The following PZP variants were observed in gnomAD, a reference collection of about 807,000 sequenced individuals.
PZP encodes the protein pregnancy zone protein.
A neutral mutation model predicts 179.8 loss-of-function variants in PZP; 150 were observed. The observed-to-expected ratio is 0.83, with a 90% CI of 0.73 to 0.96. The LOEUF (loss-of-function observed/expected upper bound fraction) is 0.96. Ranked by LOEUF, PZP falls within the 40% of genes least tolerant of loss-of-function variation. The pLI, the probability that PZP is intolerant of heterozygous loss-of-function variation, is 0.00. For missense variants in PZP, 1,689 were observed against 1,764.0 expected (o/e 0.96, Z 0.76); for synonymous variants, 624 against 652.3 (o/e 0.96, Z 0.66).
chr12:9,201,921 C>A (rs746468884), intron 4 of PZP, among the ~76,000 whole-genome samples: 2 of 151,718 alleles, frequency 1.3e-5, no homozygotes, highest in African/African-American at 4.8e-5. Flanking sequence ...CTATATGTAT[C>A]GAATATATAA....
intron 21 of PZP, 139 bp downstream of exon 21, chr12:9,163,529 A>G: frequency 1.0e-6 from 1 of 986,120 alleles, no homozygotes; most frequent in South Asian, 2.0e-5. Flanking sequence ...GTCTGCTGCA[A>G]TGCTTTTAGG....
At chr12:9,180,900 A>C (rs1455566522) in intron 15 of PZP, 83 bp downstream of exon 15, 1 of 1,459,086 alleles carries the variant, frequency 6.9e-7, no homozygotes. Context: ...CAACCTACTC[A>C]TCTGACAAAG....
chr12:9,179,224 C>A (rs1281502283), intron 15 of PZP, among the ~76,000 whole-genome samples: 1 of 152,084 alleles, frequency 6.6e-6, no homozygotes, highest in Admixed American at 6.5e-5. Flanking sequence ...TCTTCAAAAA[C>A]CCCATATTAG....
At chr12:9,203,698 A>G (rs905002258) in intron 2 of PZP, 70 bp downstream of exon 2, 1 of 1,556,288 alleles carries the variant, frequency 6.4e-7, no homozygotes, top group Non-Finnish European at 8.8e-7. Context: ...CCAGAGCTCC[A>G]TCACCATGAC....
chr12:9,181,734 C>T (rs185877867), intron 14 of PZP, among the ~76,000 whole-genome samples: 9 of 152,110 alleles, frequency 5.9e-5, no homozygotes, highest in Non-Finnish European at 4.4e-5. Flanking sequence ...ACTCACACAA[C>T]TGAATCAGCA....
Position 9,168,879 on chromosome 12 carries a change from T to C in PZP, c.2097A>G (p.Gly699=), listed in dbSNP as rs34427370. ...AAATTGCTGTTTTACCTCCATAGTA[T>C]CCTTGACCTACTGCTCCTGCAGACA... The part of the protein sequence containing the change: ...PSVSAGAVGQ[G]YYGAGLGVVE... Residue 699 remains glycine (G), a synonymous_variant, in exon 17 of 36, where the codon GGA becomes GGG. Transcript: ENST00000261336. 13,626 of 1,613,118 alleles carry C rather than the reference T, an allele frequency of 8.4e-3. 777 individuals carry two copies. The African/African-American group carries it at 0.13, about 16-fold the overall frequency.
chr12:9,163,621 C>A (rs373443267), intron 21 of PZP, 47 bp downstream of exon 21: 3 of 1,599,484 alleles, frequency 1.9e-6, no homozygotes, highest in East Asian at 2.2e-5. Context: ...AGTGACCGCC[C>A]GGTGTTGCAT....
chr12:9,172,416 T>C (rs750996640), intron 15 of PZP, among the ~76,000 whole-genome samples: 1 of 152,216 alleles, frequency 6.6e-6, no homozygotes, highest in East Asian at 1.9e-4. Flanking sequence ...CAGAACACTA[T>C]GAAGCAATCA....
Position 9,194,078 on chromosome 12 carries a change from C to T in PZP, c.1253G>A (p.Arg418Gln), listed in dbSNP as rs1352555418. 12 of 1,611,480 alleles carry T rather than the reference C, an allele frequency of 7.4e-6. No homozygotes were observed. Among genetic ancestry groups the T allele is most frequent in the Middle Eastern group, 1.7e-4 (1 of 6,052 alleles). ...TSISVNKLFVRVFTVHPNLCF... is the reference protein window; with the variant it reads ...TSISVNKLFVQVFTVHPNLCF... ...AGAGATTTGTCTTTCTATACTTACC[C>T]GGACAAAAAGTTTATTAACCGAGAT... The change falls in exon 11 of 36, where the codon CGG becomes CAG. Residue 418 changes from arginine (R) to glutamine (Q), a missense_variant and splice_region_variant. Around this residue, in one of 3 missense-constraint regions of PZP, gnomAD observed 742 missense variants for 730.5 expected, o/e 1.02. Transcript: ENST00000261336.
intron 10 of PZP, among the ~76,000 whole-genome samples, chr12:9,195,680 C>T (rs1943735280): frequency 6.8e-6 from 1 of 147,684 alleles, no homozygotes; most frequent in Non-Finnish European, 1.5e-5. Flanking sequence ...TCTAGAACTC[C>T]TGGCCTCAGG....
At chr12:9,160,198 G>T in intron 24 of PZP, 116 bp downstream of exon 24, 1 of 1,142,832 alleles carries the variant, frequency 8.8e-7, no homozygotes, top group Non-Finnish European at 1.3e-6. Flanking sequence ...AGTGTGGGAA[G>T]ATTGTTGTTT....
chr12:9,199,925 G>A (rs182328120), intron 7 of PZP, among the ~76,000 whole-genome samples: 25 of 152,270 alleles, frequency 1.6e-4, no homozygotes, highest in Admixed American at 8.5e-4. Flanking sequence ...ACCAATGTGC[G>A]AACACCCAGC....
chr12:9,163,891 G>T, intron 20 of PZP, 102 bp from the exon 21 acceptor site: 1 of 1,407,688 alleles, frequency 7.1e-7, no homozygotes, highest in Non-Finnish European at 9.5e-7. Context: ...AGAAAATAAG[G>T]CTAAAAAAAA....
chr12:9,146,485 TA>T (rs1449375596), downstream of PZP, among the ~76,000 whole-genome samples: 1 of 152,206 alleles, frequency 6.6e-6, no homozygotes, highest in Admixed American at 6.5e-5. Context: ...GTAAATCACA[TA>T]ATTCCATTTC....
intron 2 of PZP, among the ~76,000 whole-genome samples, chr12:9,203,118 ATCTATTTCTAGGAAATGTCCAGC>A (rs1198534405): frequency 1.3e-5 from 2 of 152,176 alleles, no homozygotes; most frequent in Non-Finnish European, 1.5e-5. Context: ...TTTTCATATG[ATCTATTTCTAGGAAATGTCCAGC>A]CCGATCCTTA....
chr12:9,166,226 G>A, intron 17 of PZP, 24 bp from the exon 18 acceptor site: 1 of 1,604,488 alleles, frequency 6.2e-7, no homozygotes. Flanking sequence ...AAATTGTCTA[G>A]TTAGGGAAAA....
At chr12:9,196,774 C>CT (rs11049396) in intron 8 of PZP, 89 bp from the exon 9 acceptor site, 462,290 of 989,234 alleles carry the variant, frequency 0.47, 96,181 homozygotes, top group Admixed American at 0.57. Context: ...GACAAGAAAA[C>CT]TTTTTTTTTG....
intron 13 of PZP, among the ~76,000 whole-genome samples, chr12:9,184,243 C>A (rs1258342877): frequency 6.6e-6 from 1 of 152,206 alleles, no homozygotes; most frequent in African/African-American, 2.4e-5. Flanking sequence ...AGGCACTAAG[C>A]TCGCCAACCC....
intron 15 of PZP, among the ~76,000 whole-genome samples, chr12:9,180,521 A>G (rs2120953083): frequency 6.6e-6 from 1 of 152,346 alleles, no homozygotes; most frequent in East Asian, 1.9e-4. Context: ...CTGATCTTCG[A>G]CAAACCTGAG....
Sources: gnomAD v4.1 joint callset for allele counts (sites outside exome capture counted in the v4.1 genomes callset) on GRCh38, gnomAD v4.1.1 for gene constraint, gnomAD v4.1.1 regional missense constraint, MANE v1.5 for transcripts, NCBI Gene and HGNC (gene_info 2026-07-23, HGNC 2026-07-21) for gene names.